The following TLN2 variants were observed in gnomAD, a reference collection of about 807,000 sequenced individuals.
TLN2 encodes talin 2, also known as talin-2.
TLN2 carries 118 observed loss-of-function variants against 294.7 expected under a neutral mutation model. The ratio of observed to expected loss-of-function variants is 0.40; its 90% CI spans 0.34 to 0.47. The LOEUF (loss-of-function observed/expected upper bound fraction) is 0.47. TLN2 is among the 20% of genes least tolerant of loss of function. TLN2 has a pLI of 0.84. For missense variants in TLN2, 3,083 were observed against 3,282.2 expected (o/e 0.94, Z 1.48); for synonymous variants, 1,431 against 1,304.5 (o/e 1.10, Z -2.09).
In TLN2 at chr15:62,702,750, T is replaced by G; in HGVS notation, c.1906-16T>G. ...ATGCGTTTTCTTTCCAATTAAGGTG[T>G]GTTGTTTGTTCACAGCCTCGACAGA... On this transcript the variant is annotated splice_polypyrimidine_tract_variant and intron_variant, in intron 18 of 58. Transcript: ENST00000636159. The G allele has an allele frequency of 6.2e-7, 1 of 1,613,134 alleles. No individual in the cohort carries two copies. The highest frequency in any genetic ancestry group is 1.3e-5 in the African/African-American group (1 of 75,038).
intron 50 of TLN2, among the ~76,000 whole-genome samples, chr15:62,803,160 G>A (rs1325810919): frequency 6.6e-6 from 1 of 152,114 alleles, no homozygotes; most frequent in Non-Finnish European, 1.5e-5. Flanking sequence ...CTCCTGGCCT[G>A]TAAGGCTTCC....
intron 3 of TLN2, among the ~76,000 whole-genome samples, chr15:62,628,250 G>A (rs1474110449): frequency 1.3e-5 from 2 of 152,174 alleles, no homozygotes; most frequent in Non-Finnish European, 2.9e-5. Flanking sequence ...CTGGGGTAAG[G>A]CTAAAATGGT....
chr15:62,745,986 TA>T lies in TLN2; in HGVS notation c.4026-2364del, dbSNP rs1483203412. Among the ~76,000 whole-genome samples the T allele has an allele frequency of 4.6e-5, 7 of 152,312 alleles. No individual in the cohort carries two copies. The East Asian group carries it at 1.2e-3, about 25-fold the overall frequency. On this transcript the variant is annotated intron_variant, in intron 32 of 58. Transcript: ENST00000636159. ...TGTGGATTACCCAACCACAAACCCTTAGTCTGTTGGTTTTTGTCCCAAGTTT... is the reference window on the plus strand; with the variant it reads ...TGTGGATTACCCAACCACAAACCCTTGTCTGTTGGTTTTTGTCCCAAGTTT...
At chr15:62,679,431 C>T (rs530938376) in intron 11 of TLN2, among the ~76,000 whole-genome samples, 1 of 115,234 alleles carries the variant, frequency 8.7e-6, no homozygotes, top group African/African-American at 2.5e-5. Flanking sequence ...ATCATTCAGC[C>T]ATAAAAAGGA....
At chr15:62,770,430 G>A (rs930956711) in intron 41 of TLN2, among the ~76,000 whole-genome samples, 1 of 152,164 alleles carries the variant, frequency 6.6e-6, no homozygotes, top group African/African-American at 2.4e-5. Context: ...TCCCAAGTTG[G>A]GCGAATCATA....
intron 54 of TLN2, chr15:62,832,266 G>T (rs2068944653): frequency 6.6e-6 from 1 of 152,086 alleles, no homozygotes; most frequent in Non-Finnish European, 1.5e-5. Flanking sequence ...TGGATAAAAG[G>T]GTAAGTTTTG....
At chr15:62,640,750 TG>T (rs890652780) in intron 3 of TLN2, among the ~76,000 whole-genome samples, 1 of 152,204 alleles carries the variant, frequency 6.6e-6, no homozygotes, top group Non-Finnish European at 1.5e-5. Flanking sequence ...AAGCATGTTG[TG>T]TGACTGCGAT....
At chr15:62,538,732 A>T (rs1318195690) in intron 1 of TLN2, among the ~76,000 whole-genome samples, 1 of 152,198 alleles carries the variant, frequency 6.6e-6, no homozygotes, top group African/African-American at 2.4e-5. Flanking sequence ...ACCTCTTTCT[A>T]TGTAAGGAAG....
intron 12 of TLN2, among the ~76,000 whole-genome samples, chr15:62,687,331 C>A (rs1479944914): frequency 6.6e-6 from 1 of 152,182 alleles, no homozygotes; most frequent in Non-Finnish European, 1.5e-5. Flanking sequence ...AGTTACCTTT[C>A]CTCTCTGAGC....
At chr15:62,718,764 G>T (rs1045595555) in intron 24 of TLN2, among the ~76,000 whole-genome samples, 4 of 152,168 alleles carry the variant, frequency 2.6e-5, no homozygotes, top group African/African-American at 9.7e-5. Context: ...TTCTTCTCAG[G>T]AAGCATGTGC....
chr15:62,528,671 T>C (rs1271095756), intron 1 of TLN2, among the ~76,000 whole-genome samples: 2 of 38,710 alleles, frequency 5.2e-5, no homozygotes, highest in South Asian at 7.6e-4. Flanking sequence ...CAGAGCTTGC[T>C]TTTTTTTTTT....
At chr15:62,475,967 C>G (rs756716741) in intron 1 of TLN2, among the ~76,000 whole-genome samples, 3 of 152,218 alleles carry the variant, frequency 2.0e-5, no homozygotes, top group Non-Finnish European at 4.4e-5. Context: ...TTCCTCGCTG[C>G]TGATTTAGGG....
rs760149445 is a variant in TLN2 at position 62,752,324 on chromosome 15, C to T, written c.4229C>T (p.Ala1410Val). 3.7e-6 allele frequency: 6 copies of T among 1,614,070 alleles called. No individual in the cohort carries two copies. Among genetic ancestry groups the T allele is most frequent in the Non-Finnish European group, 5.1e-6 (6 of 1,180,010 alleles). Reference protein sequence around the residue: ...ENSKVLGESMAGISQNAKTGD... With the variant: ...ENSKVLGESMVGISQNAKTGD... ...TTGCAGGTTCTGGGTGAATCGATGGCAGGGATTTCACAGAATGCCAAGACC... is the reference window on the plus strand; with the variant it reads ...TTGCAGGTTCTGGGTGAATCGATGGTAGGGATTTCACAGAATGCCAAGACC... Residue 1410 changes from alanine to valine, a missense_variant, in exon 35 of 59, where the codon GCA (alanine) becomes GTA (valine). Transcript: ENST00000636159.
chr15:62,392,990 C>T (rs2032226116), intron 1 of TLN2, among the ~76,000 whole-genome samples: 1 of 151,408 alleles, frequency 6.6e-6, no homozygotes, highest in Non-Finnish European at 1.5e-5. Flanking sequence ...GATGCCTACA[C>T]GAATGCCTTT....
rs867748564 is a variant in TLN2 at position 62,429,243 on chromosome 15, G to T, written c.-238+38558G>T. Among the ~76,000 whole-genome samples the T allele has an allele frequency of 1.4e-4, 22 of 152,204 alleles. No homozygotes were observed. In the South Asian group the frequency reaches 1.5e-3, roughly 10 times the overall value. On this transcript the variant is annotated intron_variant, in intron 1 of 58. Transcript: ENST00000636159. ...GATGCCTGGTAGCAAACTGAGGAGA[G>T]GCCTGTGTGGTTGGATGGTTCTGCC... is the stretch of plus-strand genomic sequence containing the variant.
intron 12 of TLN2, among the ~76,000 whole-genome samples, chr15:62,692,078 C>T (rs921565219): frequency 6.6e-6 from 1 of 152,234 alleles, no homozygotes; most frequent in Non-Finnish European, 1.5e-5. Flanking sequence ...GCTTAAGTTG[C>T]AATGACAGTT....
At chr15:62,785,131 G>A (rs569459501) in intron 45 of TLN2, among the ~76,000 whole-genome samples, 1 of 152,304 alleles carries the variant, frequency 6.6e-6, no homozygotes, top group South Asian at 2.1e-4. Context: ...TGACTAGGCT[G>A]TAGCATGAAT....
intron 12 of TLN2, among the ~76,000 whole-genome samples, chr15:62,692,150 C>T (rs1263041022): frequency 6.6e-6 from 1 of 152,206 alleles, no homozygotes; most frequent in Non-Finnish European, 1.5e-5. Context: ...ACTAAGGTTC[C>T]TGCTCAAACC....
intron 28 of TLN2, among the ~76,000 whole-genome samples, chr15:62,728,845 G>A (rs760809362): frequency 6.6e-6 from 1 of 152,020 alleles, no homozygotes; most frequent in South Asian, 2.1e-4. Flanking sequence ...TGAACAAAAG[G>A]TTTTATTTTA....
Sources: allele counts gnomAD v4.1 joint callset (sites outside exome capture counted in the v4.1 genomes callset), GRCh38; gene constraint gnomAD v4.1.1; transcripts MANE v1.5; gene names NCBI Gene and HGNC (gene_info 2026-07-23, HGNC 2026-07-21).